ADAM32: variants seen among roughly 807,000 people sequenced by gnomAD.
The protein encoded by ADAM32 is ADAM metallopeptidase domain 32.
In ADAM32, 89 loss-of-function variants were observed where a neutral mutation model predicts 114.9. That is an observed-to-expected ratio of 0.77 (90% CI 0.65 to 0.92). ADAM32 has a LOEUF of 0.92. ADAM32 is among the 40% of genes least tolerant of loss of function. ADAM32 has a pLI of 0.00. For synonymous variants in ADAM32, 285 were observed against 307.5 expected (o/e 0.93, Z 0.77); for missense variants, 870 against 932.8 (o/e 0.93, Z 0.88).
At chr8:39,176,877 G>A (rs1010397232) in intron 10 of ADAM32, among the ~76,000 whole-genome samples, 10 of 152,028 alleles carry the variant, frequency 6.6e-5, no homozygotes, top group Admixed American at 2.0e-4. Context: ...CTCCTGTATC[G>A]GGTGCTTATG....
chr8:39,243,302 A>G (rs1017821701), intron 16 of ADAM32, among the ~76,000 whole-genome samples: 11 of 152,288 alleles, frequency 7.2e-5, no homozygotes, highest in African/African-American at 2.6e-4. Context: ...ATATCACCCT[A>G]ATATCAAAAC....
At chr8:39,243,743 C>T (rs1810714435) in intron 16 of ADAM32, among the ~76,000 whole-genome samples, 1 of 152,104 alleles carries the variant, frequency 6.6e-6, no homozygotes, top group Admixed American at 6.5e-5. Context: ...CCATTTTCAT[C>T]ACTTCTATTC....
intron 20 of ADAM32, 54 bp from the exon 21 acceptor site, chr8:39,274,258 G>A: frequency 1.9e-6 from 3 of 1,558,402 alleles, no homozygotes; most frequent in East Asian, 2.2e-5. Flanking sequence ...CATTCATGAA[G>A]TTGGCAAGTT....
Position 39,165,154 on chromosome 8 carries a change from C to A in ADAM32, c.791C>A (p.Ser264Tyr). 1 of 1,596,648 alleles carries A rather than the reference C, an allele frequency of 6.3e-7. No homozygotes were observed. Among genetic ancestry groups the A allele is most frequent in the Middle Eastern group, 1.7e-4 (1 of 5,992 alleles). Residue 264 changes from serine to tyrosine, a missense_variant, in exon 9 of 25, where the codon TCT becomes TAT. Coordinates refer to ENST00000379907, the MANE Select transcript of ADAM32 (RefSeq NM_145004.7). The stretch of plus-strand genomic sequence containing the variant: ...CAAAAATTTTTAGAATGGAAACAAT[C>A]TTATCTTAACCTAAGGCCTCATGAT... ...LLQKFLEWKQ[S>Y]YLNLRPHDIA...
At chr8:39,132,551 G>C (rs1169298437) in intron 2 of ADAM32, among the ~76,000 whole-genome samples, 2 of 152,004 alleles carry the variant, frequency 1.3e-5, no homozygotes, top group Non-Finnish European at 2.9e-5. Flanking sequence ...ATCTTTTAAA[G>C]ACATTGAAAA....
chr8:39,263,931 C>T (rs1040757188), intron 19 of ADAM32, among the ~76,000 whole-genome samples: 3 of 152,120 alleles, frequency 2.0e-5, no homozygotes, highest in African/African-American at 7.2e-5. Context: ...ATAATTTACA[C>T]ATATTTTCAG....
At chr8:39,236,227 G>A (rs1440763368) in intron 16 of ADAM32, among the ~76,000 whole-genome samples, 2 of 152,024 alleles carry the variant, frequency 1.3e-5, no homozygotes, top group Non-Finnish European at 2.9e-5. Context: ...AAATACTTAT[G>A]AGACTCTAAT....
chr8:39,110,734 T>A (rs1422875332), intron 1 of ADAM32, among the ~76,000 whole-genome samples: 2 of 152,258 alleles, frequency 1.3e-5, no homozygotes, highest in Non-Finnish European at 2.9e-5. Context: ...CAAGAAATCC[T>A]GGCTGTCTTT....
At chr8:39,152,554 T>C (rs923216819) in intron 6 of ADAM32, among the ~76,000 whole-genome samples, 4 of 151,894 alleles carry the variant, frequency 2.6e-5, no homozygotes, top group African/African-American at 7.3e-5. Flanking sequence ...AAACCCCGTC[T>C]CCACTAAAAA....
intron 16 of ADAM32, among the ~76,000 whole-genome samples, chr8:39,241,324 A>T: frequency 6.6e-6 from 1 of 152,206 alleles, no homozygotes; most frequent in East Asian, 1.9e-4. Flanking sequence ...TGGATCTACC[A>T]TTCTGGGGTC....
At chr8:39,276,141 C>T (rs1273046592) in intron 22 of ADAM32, 3 of 335,856 alleles carry the variant, frequency 8.9e-6, no homozygotes, top group Admixed American at 4.7e-5. Context: ...GTTTAAGGAG[C>T]TAATTCATAA....
chr8:39,147,331 C>A, intron 4 of ADAM32, 126 bp downstream of exon 4: 1 of 390,004 alleles, frequency 2.6e-6, no homozygotes, highest in Non-Finnish European at 3.9e-6. Flanking sequence ...GATTAATGAT[C>A]AGGGTTTCCT....
intron 19 of ADAM32, among the ~76,000 whole-genome samples, chr8:39,266,351 T>C (rs1342205379): frequency 6.6e-6 from 1 of 152,238 alleles, no homozygotes; most frequent in Non-Finnish European, 1.5e-5. Context: ...TGATATTTTG[T>C]TCATTTAAAA....
Position 39,242,907 on chromosome 8 carries a change from A to G in ADAM32, c.1819-3176A>G, listed in dbSNP as rs201178882. On this transcript the variant is annotated intron_variant, in intron 16 of 24. Transcript: ENST00000379907. ...ATTAGTGATATTAACCAAGAAAAGA[A>G]GAGAAAGTTCTAAATAAGCTCAATT... 5.9e-5 allele frequency among the ~76,000 whole-genome samples: 9 copies of G among 152,342 alleles called. No individual in the cohort carries two copies. The East Asian group carries it at 7.7e-4, about 13-fold the overall frequency.
intron 9 of ADAM32, chr8:39,166,643 A>G (rs1473072407): frequency 1.3e-5 from 2 of 152,216 alleles, no homozygotes; most frequent in Non-Finnish European, 2.9e-5. Context: ...GTACTAGTTT[A>G]CATTCCCACC....
chr8:39,107,715 CGCGTCCCT>C, upstream of ADAM32: 1 of 1,549,210 alleles, frequency 6.5e-7, no homozygotes, highest in Non-Finnish European at 8.7e-7. Context: ...CGCGCGTCCC[CGCGTCCCT>C]GGCAATTCCC....
intron 11 of ADAM32, among the ~76,000 whole-genome samples, chr8:39,208,384 TG>T (rs1721381577): frequency 6.6e-6 from 1 of 152,160 alleles, no homozygotes; most frequent in Non-Finnish European, 1.5e-5. Flanking sequence ...TCTTAAAAAT[TG>T]TTGTAGTTAT....
At chr8:39,260,052 A>G (rs924812793) in intron 19 of ADAM32, among the ~76,000 whole-genome samples, 2 of 152,196 alleles carry the variant, frequency 1.3e-5, no homozygotes, top group Non-Finnish European at 2.9e-5. Flanking sequence ...AGGTTCAATT[A>G]TCTTTTTTCC....
intron 10 of ADAM32, among the ~76,000 whole-genome samples, chr8:39,180,666 C>G (rs912057301): frequency 1.3e-5 from 2 of 152,218 alleles, no homozygotes; most frequent in Non-Finnish European, 2.9e-5. Flanking sequence ...CACTCTGTAT[C>G]TAGCTCAAGG....
Sources: gnomAD v4.1 joint callset for allele counts (sites outside exome capture counted in the v4.1 genomes callset) on GRCh38, gnomAD v4.1.1 for gene constraint, MANE v1.5 for transcripts, NCBI Gene and HGNC (gene_info 2026-07-23, HGNC 2026-07-21) for gene names.